The following RAB6A variants were observed in gnomAD, a reference collection of about 807,000 sequenced individuals.
The protein encoded by RAB6A is ras-related protein Rab-6A.
In RAB6A, 8 loss-of-function variants were observed where a neutral mutation model predicts 32.3. That is an observed-to-expected ratio of 0.25 (90% CI 0.15 to 0.45). The LOEUF (loss-of-function observed/expected upper bound fraction) is 0.45, where lower values mean the gene tolerates loss of function less well. Among genes scored for constraint, RAB6A ranks in the 20% least tolerant of loss-of-function variants. The probability of loss-of-function intolerance (pLI) is 1.00; values close to 1 mark genes in which losing one functional copy is unlikely to be tolerated. For missense variants in RAB6A, 104 were observed against 249.4 expected (o/e 0.42, Z 3.93); for synonymous variants, 73 against 82.1 (o/e 0.89, Z 0.60).
At chr11:73,686,085 G>A (rs990223487) in intron 6 of RAB6A, among the ~76,000 whole-genome samples, 2 of 152,024 alleles carry the variant, frequency 1.3e-5, no homozygotes, top group African/African-American at 2.4e-5. Context: ...ATAAAAAACT[G>A]GTGGGAAAGA....
intron 5 of RAB6A, among the ~76,000 whole-genome samples, chr11:73,714,903 T>C (rs1946030668): frequency 6.6e-6 from 1 of 151,442 alleles, no homozygotes; most frequent in African/African-American, 2.4e-5. Context: ...GTGGTGGAGG[T>C]TGTAATGAGC....
At chr11:73,714,230 A>ATATG (rs71890214) in intron 5 of RAB6A, among the ~76,000 whole-genome samples, 4 of 46,458 alleles carry the variant, frequency 8.6e-5, no homozygotes, top group Non-Finnish European at 2.8e-4. Context: ...ATATATATAT[A>ATATG]CACACATATA....
intron 6 of RAB6A, chr11:73,704,039 A>T (rs1192297807): frequency 1.8e-5 from 3 of 163,824 alleles, no homozygotes; most frequent in Non-Finnish European, 4.1e-5. Flanking sequence ...AAAAAAAAAA[A>T]AAAAATTTCT....
At chr11:73,695,688 A>G (rs770624539) in intron 6 of RAB6A, among the ~76,000 whole-genome samples, 10 of 152,150 alleles carry the variant, frequency 6.6e-5, no homozygotes, top group Non-Finnish European at 1.3e-4. Flanking sequence ...CCGAGAATCC[A>G]CTTTCTAGAA....
chr11:73,689,329 C>A (rs1315107152), intron 6 of RAB6A, among the ~76,000 whole-genome samples: 1 of 152,200 alleles, frequency 6.6e-6, no homozygotes, highest in African/African-American at 2.4e-5. Context: ...CAACCTAGAT[C>A]CCTCCAATGT....
At chr11:73,728,806 C>T (rs1946263667) in intron 2 of RAB6A, among the ~76,000 whole-genome samples, 2 of 151,618 alleles carry the variant, frequency 1.3e-5, no homozygotes, top group Admixed American at 1.3e-4. Context: ...AGTAACTGAC[C>T]TCACAGAATG....
chr11:73,709,573 C>T (rs1945908240), intron 5 of RAB6A, among the ~76,000 whole-genome samples: 1 of 149,752 alleles, frequency 6.7e-6, no homozygotes, highest in African/African-American at 2.4e-5. Flanking sequence ...TCTCCTGAAT[C>T]TGACATAACC....
intron 4 of RAB6A, among the ~76,000 whole-genome samples, chr11:73,716,727 C>A (rs949202242): frequency 6.6e-6 from 1 of 152,100 alleles, no homozygotes; most frequent in South Asian, 2.1e-4. Flanking sequence ...TTACACATAC[C>A]AAACATGACA....
chr11:73,677,663 C>T lies in RAB6A; in HGVS notation c.*235G>A. 2.8e-6 allele frequency: 3 copies of T among 1,075,592 alleles called. No individual in the cohort carries two copies. Among genetic ancestry groups the T allele is most frequent in the Non-Finnish European group, 4.0e-6 (3 of 757,116 alleles). 66.6% of individuals were successfully genotyped at this position (1,075,592 alleles called of 1,614,324 possible). A position where few individuals can be genotyped will look rare whatever the true frequency, so the allele number is the denominator to read the frequency against. ...ATGTATCTAATTTTTAAAGTTATCA[C>T]TGGAATATGCTGAAATATTTTGGCT... On this transcript the variant is annotated 3_prime_UTR_variant, in exon 8 of 8. Coordinates refer to ENST00000336083, the MANE Select transcript of RAB6A (RefSeq NM_198896.2).
In RAB6A at chr11:73,676,349, A is replaced by G. The variant is rs1315504476; in HGVS notation, c.*1549T>C. 6.0e-6 allele frequency: 1 copy of G among 167,132 alleles called. No individual in the cohort carries two copies. The highest frequency in any genetic ancestry group is 1.5e-5 in the Non-Finnish European group (1 of 68,126). 10.4% of individuals were successfully genotyped at this position (167,132 alleles called of 1,614,324 possible). On this transcript the variant is annotated 3_prime_UTR_variant, in exon 8 of 8. Transcript: ENST00000336083. ...AATGTGTTTATTAGCTTACACAGCA[A>G]TCTCACAATAACTAGTAAAGATTAA... is the stretch of plus-strand genomic sequence containing the variant.
At chr11:73,696,771 AT>A (rs565879166) in intron 6 of RAB6A, among the ~76,000 whole-genome samples, 221 of 141,946 alleles carry the variant, frequency 1.6e-3, no homozygotes, top group East Asian at 3.1e-3. Context: ...CATGCCTAGA[AT>A]TTTTTTTTTT....
In RAB6A at chr11:73,677,093, A is replaced by G. The variant is rs1335147440; in HGVS notation, c.*805T>C. The G allele has an allele frequency of 6.0e-6, 1 of 167,086 alleles. No individual in the cohort carries two copies. The highest frequency in any genetic ancestry group is 1.5e-5 in the Non-Finnish European group (1 of 68,130). The allele number at this position is 167,086 out of a possible 1,614,324, so 10.4% of individuals were successfully genotyped here. The stretch of plus-strand genomic sequence containing the variant: ...TTCTTACCGTGAAGAATTAAATACT[A>G]AAAACCTGTTCTGAAGCACTTGGTT... On this transcript the variant is annotated 3_prime_UTR_variant, in exon 8 of 8. Coordinates refer to ENST00000336083, the MANE Select transcript of RAB6A (RefSeq NM_198896.2).
chr11:73,710,687 AG>A (rs1412634732), intron 5 of RAB6A, among the ~76,000 whole-genome samples: 1 of 151,690 alleles, frequency 6.6e-6, no homozygotes, highest in African/African-American at 2.4e-5. Context: ...CAGTGAGCCG[AG>A]GTTGTGCTAT....
Position 73,675,725 on chromosome 11 carries a change from T to C in RAB6A, c.*2173A>G, listed in dbSNP as rs1945261722. 6.2e-6 allele frequency: 1 copy of C among 160,122 alleles called. No homozygotes were observed. Among genetic ancestry groups the C allele is most frequent in the South Asian group, 2.1e-4 (1 of 4,836 alleles). The allele number at this position is 160,122 out of a possible 1,614,324, so 9.9% of individuals were successfully genotyped here. ...AACCTGGACTATGAACACACTTCAATGCTTTGAAGAACTCCAAGCCAAATA... is the reference window on the plus strand; with the variant it reads ...AACCTGGACTATGAACACACTTCAACGCTTTGAAGAACTCCAAGCCAAATA... On this transcript the variant is annotated 3_prime_UTR_variant, in exon 8 of 8. Coordinates refer to ENST00000336083, the MANE Select transcript of RAB6A (RefSeq NM_198896.2).
At position 73,737,976 on chromosome 11, in the gene RAB6A, C is replaced by A. The variant is rs1027638016; in HGVS notation, c.71-7153G>T. ...ACACCATGCACTCCAGCCTGGGCAA[C>A]AGAGGGAGACTCCATCTCAAAAAAA... On this transcript the variant is annotated intron_variant, in intron 1 of 7. Coordinates refer to ENST00000336083, the MANE Select transcript of RAB6A (RefSeq NM_198896.2). Among the ~76,000 whole-genome samples the A allele has an allele frequency of 3.1e-4, 34 of 111,116 alleles. 1 individual carries two copies. Among genetic ancestry groups the A allele is most frequent in the African/African-American group, 1.2e-3 (32 of 27,818 alleles). 72.9% of individuals were successfully genotyped at this position (111,116 alleles called of 152,430 possible).
At chr11:73,719,343 T>C (rs1946099322) in intron 3 of RAB6A, among the ~76,000 whole-genome samples, 2 of 152,374 alleles carry the variant, frequency 1.3e-5, no homozygotes, top group African/African-American at 2.4e-5. Flanking sequence ...AGCTAAAATG[T>C]GTCTCTTTCC....
Position 73,714,203 on chromosome 11 carries a change from A to ATAT in RAB6A, c.401+2047_401+2048insATA, listed in dbSNP as rs1202329143. Among the ~76,000 whole-genome samples, 189 of 62,540 alleles carry ATAT rather than the reference A, an allele frequency of 3.0e-3. 2 individuals are homozygous for ATAT. The highest frequency in any genetic ancestry group is 5.4e-3 in the Middle Eastern group (1 of 184). The allele number at this position is 62,540 out of a possible 152,430, so 41.0% of individuals were successfully genotyped here. On this transcript the variant is annotated intron_variant, in intron 5 of 7. Coordinates refer to ENST00000336083, the MANE Select transcript of RAB6A (RefSeq NM_198896.2). Reference sequence around the variant, plus strand: ...GCAGAACTCCATCTCAAAAAAAAAAAAAAAAAATATATATATATATATATA... The same window carrying ATAT: ...GCAGAACTCCATCTCAAAAAAAAAAATATAAAAAAATATATATATATATATATA...
At chr11:73,733,444 G>A (rs1000419117) in intron 1 of RAB6A, among the ~76,000 whole-genome samples, 17 of 151,984 alleles carry the variant, frequency 1.1e-4, no homozygotes, top group African/African-American at 3.9e-4. Flanking sequence ...AGCTACGCAG[G>A]AGACTGAGGC....
chr11:73,719,660 G>A (rs1436388614), intron 3 of RAB6A, among the ~76,000 whole-genome samples: 1 of 151,064 alleles, frequency 6.6e-6, no homozygotes, highest in Non-Finnish European at 1.5e-5. Flanking sequence ...TTGTCGCTCA[G>A]GCTGAAGTGC....
Sources: gnomAD v4.1 joint callset for allele counts (sites outside exome capture counted in the v4.1 genomes callset) on GRCh38, gnomAD v4.1.1 for gene constraint, MANE v1.5 for transcripts, NCBI Gene and HGNC (gene_info 2026-07-23, HGNC 2026-07-21) for gene names.